RALGDS: variants seen among roughly 807,000 people sequenced by gnomAD.
RALGDS encodes the protein ral guanine nucleotide exchange factor.
Under a neutral mutation model 99.8 loss-of-function variants are expected in RALGDS, and 44 were observed. That is an observed-to-expected ratio of 0.44 (90% CI 0.35 to 0.57). The LOEUF is 0.57. Among genes scored for constraint, RALGDS ranks in the 20% least tolerant of loss-of-function variants. The pLI, the probability that RALGDS is intolerant of heterozygous loss-of-function variation, is 0.01. For synonymous variants in RALGDS, 529 were observed against 505.0 expected (o/e 1.05, Z -0.64); for missense variants, 1,022 against 1,203.1 (o/e 0.85, Z 2.23).
chr9:133,098,520 G>T lies in RALGDS; in HGVS notation c.*67C>A. 6.4e-7 allele frequency: 1 copy of T among 1,568,072 alleles called. No homozygotes were observed. The highest frequency in any genetic ancestry group is 8.7e-7 in the Non-Finnish European group (1 of 1,143,480). ...CTGGCAGGTGGGAGGAAGGCGCCCA[G>T]CTGGCCTGGGCCACTCTGGTCCATA... On this transcript the variant is annotated 3_prime_UTR_variant, in exon 18 of 18. Transcript: ENST00000372050.
intron 1 of RALGDS, among the ~76,000 whole-genome samples, chr9:133,120,173 G>A (rs1166807274): frequency 6.6e-6 from 1 of 152,086 alleles, no homozygotes; most frequent in African/African-American, 2.4e-5. Context: ...GAGGCAGATG[G>A]CACCACCCAG....
upstream of RALGDS, among the ~76,000 whole-genome samples, chr9:133,134,659 TC>T (rs1832395975): frequency 6.6e-6 from 1 of 152,168 alleles, no homozygotes; most frequent in Non-Finnish European, 1.5e-5. Context: ...TGGGACCCTG[TC>T]CCTGGGGTGG....
rs2119168698 is a variant in RALGDS, at chr9:133,110,496, TGGGACAGAGGA to T, written c.295-18_295-8del. On this transcript the variant is annotated splice_polypyrimidine_tract_variant and splice_region_variant and intron_variant, in intron 2 of 17. Coordinates refer to ENST00000372050, the MANE Select transcript of RALGDS (RefSeq NM_006266.4). ...GGGCCGACTCATTCTCATACTGGGG[TGGGACAGAGGA>T]GGGACAGACAGTCAGTGGCAGCACA... The T allele has an allele frequency of 1.2e-6, 2 of 1,608,746 alleles. No individual in the cohort carries two copies. The highest frequency in any genetic ancestry group is 2.2e-5 in the East Asian group (1 of 44,850).
upstream of RALGDS, among the ~76,000 whole-genome samples, chr9:133,132,823 A>G (rs182762832): frequency 6.6e-6 from 1 of 152,182 alleles, no homozygotes; most frequent in East Asian, 1.9e-4. Flanking sequence ...TATTTTTAGT[A>G]GAGATGGGGT....
At chr9:133,126,179 C>T (rs1832149393), upstream of RALGDS, among the ~76,000 whole-genome samples, 1 of 151,780 alleles carries the variant, frequency 6.6e-6, no homozygotes, top group Non-Finnish European at 1.5e-5. Context: ...CCTGCCCCAG[C>T]TCACGCCCCC....
At position 133,144,644 on chromosome 9, in the gene RALGDS, G is replaced by T. The variant is rs563376959; in HGVS notation, c.18+4319C>A. ...GAGCGCGCCAAGCTGAGGAGCAGGC[G>T]GGCTCCGCTCACGCCCCCACACCCC... is the stretch of plus-strand genomic sequence containing the variant. On this transcript the variant is annotated intron_variant, in intron 1 of 17. Transcript: ENST00000393160. This position sits in a 1 kb window ranked among gnomAD's most constrained non-coding sequence, Gnocchi z 4.5. 4.9e-4 allele frequency among the ~76,000 whole-genome samples: 75 copies of T among 152,358 alleles called. No individual in the cohort carries two copies. The highest frequency in any genetic ancestry group is 1.8e-3 in the Admixed American group (28 of 15,306).
rs1296518656 is a variant in RALGDS at position 133,121,240 on chromosome 9, T to G, written c.-86A>C. Reference sequence around the variant, plus strand: ...CCGCGCGGCTGGGCTTTGCCACCGCTGTGAGCCCGCGGCCCGGCCCTGCTG... The same window carrying G: ...CCGCGCGGCTGGGCTTTGCCACCGCGGTGAGCCCGCGGCCCGGCCCTGCTG... On this transcript the variant is annotated 5_prime_UTR_variant, in exon 1 of 18. Transcript: ENST00000372050. 1.0e-6 allele frequency: 1 copy of G among 978,142 alleles called. No homozygotes were observed. The highest frequency in any genetic ancestry group is 1.8e-5 in the African/African-American group (1 of 55,812). The allele number at this position is 978,142 out of a possible 1,614,324, so 60.6% of individuals were successfully genotyped here.
rs563266481 is a variant in RALGDS at position 133,128,517 on chromosome 9, G to A, written c.132+2435C>T. On this transcript the variant is annotated intron_variant, in intron 1 of 17. Coordinates refer to the RALGDS transcript ENST00000372062. ...TCCATGATCTCCCCTCCTGGAGGGTGGTCAGCCGCCATCCTGGCCCCGGAC... is the reference window on the plus strand; with the variant it reads ...TCCATGATCTCCCCTCCTGGAGGGTAGTCAGCCGCCATCCTGGCCCCGGAC... Among the ~76,000 whole-genome samples, 33 of 152,280 alleles carry A rather than the reference G, an allele frequency of 2.2e-4. No homozygotes were observed. The South Asian group carries it at 6.6e-3, about 31-fold the overall frequency.
At chr9:133,125,186 C>T (rs969548089), upstream of RALGDS, among the ~76,000 whole-genome samples, 2 of 152,218 alleles carry the variant, frequency 1.3e-5, no homozygotes, top group Non-Finnish European at 2.9e-5. Context: ...AACACTGCTA[C>T]ATATTGGATG....
chr9:133,105,411 T>C (rs540346915), intron 9 of RALGDS, among the ~76,000 whole-genome samples: 2 of 152,200 alleles, frequency 1.3e-5, no homozygotes, highest in Admixed American at 1.3e-4. Context: ...CGGGGCAGGG[T>C]AGGGAAGCCA....
intron 1 of RALGDS, among the ~76,000 whole-genome samples, chr9:133,127,954 C>T (rs1315303660): frequency 3.3e-5 from 5 of 152,200 alleles, no homozygotes; most frequent in East Asian, 1.9e-4. Context: ...CAGAGGGCTC[C>T]GGATCAGCCT....
chr9:133,145,524 C>A (rs1303957355), intron 1 of RALGDS, among the ~76,000 whole-genome samples: 3 of 152,166 alleles, frequency 2.0e-5, no homozygotes, highest in Non-Finnish European at 4.4e-5. Context: ...AATCAAGTGG[C>A]AGCAGTGCTG....
chr9:133,109,459 T>C (rs1831232037), intron 4 of RALGDS, among the ~76,000 whole-genome samples, 167 bp downstream of exon 4: 1 of 152,168 alleles, frequency 6.6e-6, no homozygotes, highest in South Asian at 2.1e-4. Context: ...CGGTCGTCTT[T>C]CTTCCTGCAG....
At position 133,144,408 on chromosome 9, in the gene RALGDS, C is replaced by A. The variant is rs1221195840; in HGVS notation, c.18+4555G>T. On this transcript the variant is annotated intron_variant, in intron 1 of 17. Transcript: ENST00000393160. The surrounding 1 kb of genome is among the most constrained non-coding windows in gnomAD (Gnocchi z 4.5). ...CTCCGCCCCCCGCCGGCCTCCGACG[C>A]AAAGTCGCCACCCAGTCACCCCGCC... 6.6e-6 allele frequency among the ~76,000 whole-genome samples: 1 copy of A among 152,200 alleles called. No individual in the cohort carries two copies. The highest frequency in any genetic ancestry group is 1.9e-4 in the East Asian group (1 of 5,190).
intron 1 of RALGDS, among the ~76,000 whole-genome samples, chr9:133,137,188 G>A (rs1334109542): frequency 4.0e-5 from 6 of 151,716 alleles, no homozygotes; most frequent in Non-Finnish European, 7.4e-5. Context: ...AGCTGAGATC[G>A]TGCCACTGCA....
chr9:133,135,473 C>T (rs1461569656), upstream of RALGDS, among the ~76,000 whole-genome samples: 1 of 152,216 alleles, frequency 6.6e-6, no homozygotes, highest in Non-Finnish European at 1.5e-5. Flanking sequence ...CTGCCCCAGC[C>T]GCTCCCATTG....
chr9:133,135,641 G>C (rs995080756), upstream of RALGDS, among the ~76,000 whole-genome samples: 3 of 152,188 alleles, frequency 2.0e-5, no homozygotes, highest in Admixed American at 6.5e-5. Context: ...AGGAGTCTTG[G>C]GCCAAACCCT....
At chr9:133,137,964 G>A (rs909598371) in intron 1 of RALGDS, among the ~76,000 whole-genome samples, 5 of 152,208 alleles carry the variant, frequency 3.3e-5, no homozygotes, top group African/African-American at 9.6e-5. Context: ...CGCCCAGTGC[G>A]CTCGGGCCAG....
chr9:133,129,381 G>A lies in RALGDS; in HGVS notation c.132+1571C>T, dbSNP rs548040549. On this transcript the variant is annotated intron_variant, in intron 1 of 17. Coordinates refer to the RALGDS transcript ENST00000372062. ...GAGGCCCTCTGCCAGTGTGCTCGTC[G>A]CCTGCGTGCCCTAGTGGAGTGGAGC... 1.9e-5 allele frequency: 28 copies of A among 1,479,178 alleles called. No homozygotes were observed. The East Asian group carries it at 2.7e-4, about 14-fold the overall frequency. The allele number at this position is 1,479,178 out of a possible 1,614,324, so 91.6% of individuals were successfully genotyped here. A position where few individuals can be genotyped will look rare whatever the true frequency, so the allele number is the denominator to read the frequency against.
Sources: gnomAD v4.1 joint callset for allele counts (sites outside exome capture counted in the v4.1 genomes callset) on GRCh38, gnomAD v4.1.1 for gene constraint, Gnocchi (gnomAD v3.1) non-coding constraint, MANE v1.5 for transcripts, NCBI Gene and HGNC (gene_info 2026-07-23, HGNC 2026-07-21) for gene names.